ZNF536: variants seen among roughly 807,000 people sequenced by gnomAD.
The protein encoded by ZNF536 is zinc finger protein 536.
A neutral mutation model predicts 84.5 loss-of-function variants in ZNF536; 13 were observed. That is an observed-to-expected ratio of 0.15 (90% CI 0.10 to 0.24). ZNF536 has a LOEUF of 0.24. Among genes scored for constraint, ZNF536 ranks in the 10% least tolerant of loss-of-function variants. The pLI is 1.00. For missense variants in ZNF536, 1,536 were observed against 1,747.5 expected, an observed-to-expected ratio of 0.88 and a Z score of 2.16; for synonymous variants, 811 against 742.5, an observed-to-expected ratio of 1.09 and a Z score of -1.50.
chr19:30,538,080 A>AATC, intron 3 of ZNF536, among the ~76,000 whole-genome samples: 1 of 152,288 alleles, frequency 6.6e-6, no homozygotes, highest in East Asian at 1.9e-4. Context: ...TAAAAATCAC[A>AATC]ATCAACGTAT....
At chr19:30,680,412 C>G (rs1469391022) in intron 1 of ZNF536, among the ~76,000 whole-genome samples, 4 of 115,000 alleles carry the variant, frequency 3.5e-5, no homozygotes, top group African/African-American at 1.3e-4. Flanking sequence ...CTCCCCCCAC[C>G]CCACAACAGT....
At chr19:30,507,191 G>A (rs950625771) in intron 2 of ZNF536, among the ~76,000 whole-genome samples, 2 of 152,050 alleles carry the variant, frequency 1.3e-5, no homozygotes, top group South Asian at 2.1e-4. Context: ...GCAAAACCCC[G>A]TCTCTACTAA....
Position 30,548,137 on chromosome 19 carries a change from G to A in ZNF536, c.2518G>A (p.Gly840Arg), listed in dbSNP as rs140145945. 6.2e-7 allele frequency: 1 copy of A among 1,614,050 alleles called. No individual in the cohort carries two copies. The highest frequency in any genetic ancestry group is 1.1e-5 in the South Asian group (1 of 91,072). The change falls in exon 4 of 5, where the codon GGG (glycine) becomes AGG (arginine). Residue 840 changes from glycine (G) to arginine (R), a missense_variant. Around this residue, in one of 8 missense-constraint regions of ZNF536, gnomAD observed 624 missense variants for 603.1 expected, o/e 1.03. Transcript: ENST00000355537. The part of the protein sequence containing the change: ...SLFIRPDILR[G>R]AFKGLPGIDF... Reference sequence around the variant, plus strand: ...GTTCATCAGGCCAGACATCCTGAGGGGGGCCTTCAAGGGTCTCCCTGGAAT... The same window carrying A: ...GTTCATCAGGCCAGACATCCTGAGGAGGGCCTTCAAGGGTCTCCCTGGAAT...
At chr19:30,304,020 G>A (rs369115322) in intron 2 of ZNF536, among the ~76,000 whole-genome samples, 4 of 152,110 alleles carry the variant, frequency 2.6e-5, no homozygotes, top group South Asian at 4.1e-4. Context: ...GGTAGGCAGC[G>A]GTCTCCTCTC....
chr19:30,316,264 C>T (rs2046675241), intron 2 of ZNF536, among the ~76,000 whole-genome samples: 1 of 152,146 alleles, frequency 6.6e-6, no homozygotes, highest in African/African-American at 2.4e-5. Flanking sequence ...ATAGTACTTA[C>T]CTGCCAAAAC....
At chr19:30,681,619 C>G (rs1032091806) in intron 1 of ZNF536, among the ~76,000 whole-genome samples, 1 of 152,220 alleles carries the variant, frequency 6.6e-6, no homozygotes, top group Non-Finnish European at 1.5e-5. Flanking sequence ...GCTCTCTGCC[C>G]AGCAGATACT....
chr19:30,305,059 G>A (rs2145988987), intron 2 of ZNF536, among the ~76,000 whole-genome samples: 1 of 152,326 alleles, frequency 6.6e-6, no homozygotes, highest in Middle Eastern at 3.4e-3. Flanking sequence ...AGGAGTAGGA[G>A]GGCTGAAGCT....
In ZNF536 at chr19:30,344,781, G is replaced by A. The variant is rs145500461; in HGVS notation, c.-119-7587G>A. On this transcript the variant is annotated intron_variant, in intron 2 of 5. Coordinates refer to the ZNF536 transcript ENST00000585628. The stretch of plus-strand genomic sequence containing the variant: ...CATTCATCCCCTCATTTCACAGTTG[G>A]GAAAGTCAAGGCTAGGGAAGAGAAG... Among the ~76,000 whole-genome samples, 1,500 of 152,244 alleles carry A rather than the reference G, an allele frequency of 9.9e-3. 18 individuals are homozygous for A. Among genetic ancestry groups the A allele is most frequent in the African/African-American group, 0.034 (1,394 of 41,522 alleles).
chr19:30,466,380 A>C (rs1474945817), intron 2 of ZNF536, among the ~76,000 whole-genome samples: 1 of 74,676 alleles, frequency 1.3e-5, no homozygotes, highest in South Asian at 4.9e-4. Context: ...CATTGCTGCA[A>C]AAAAAAAAAA....
intron 2 of ZNF536, among the ~76,000 whole-genome samples, chr19:30,322,631 C>G (rs1156715561): frequency 6.6e-6 from 1 of 152,236 alleles, no homozygotes; most frequent in Non-Finnish European, 1.5e-5. Flanking sequence ...ATTTCCCTTC[C>G]TATTCCATCT....
intron 2 of ZNF536, among the ~76,000 whole-genome samples, chr19:30,482,197 C>A (rs1486104755): frequency 6.6e-6 from 1 of 152,050 alleles, no homozygotes; most frequent in Admixed American, 6.6e-5. Flanking sequence ...GGGTAGATAT[C>A]CAGTATTGGG....
intron 1 of ZNF536, among the ~76,000 whole-genome samples, chr19:30,383,937 T>TC (rs2049182163): frequency 4.7e-4 from 5 of 10,548 alleles, no homozygotes; most frequent in South Asian, 0.01. Context: ...TCCCTTCCCT[T>TC]CCCTCCCCTC....
intron 2 of ZNF536, among the ~76,000 whole-genome samples, chr19:30,332,327 C>T (rs2047238211): frequency 1.3e-5 from 2 of 152,182 alleles, no homozygotes; most frequent in Admixed American, 6.5e-5. Context: ...AGATCCTCAC[C>T]TCTGGGGCCC....
downstream of ZNF536, among the ~76,000 whole-genome samples, chr19:30,562,150 A>T (rs1294883038): frequency 6.6e-6 from 1 of 152,174 alleles, no homozygotes; most frequent in African/African-American, 2.4e-5. Flanking sequence ...AGGAGGGAGC[A>T]TTCCAGATGT....
chr19:30,257,147 G>A (rs1035666667), intron 1 of ZNF536, among the ~76,000 whole-genome samples: 4 of 152,110 alleles, frequency 2.6e-5, no homozygotes, highest in Admixed American at 6.5e-5. Flanking sequence ...CACTCCTGGC[G>A]CCTATTCATT....
intron 2 of ZNF536, among the ~76,000 whole-genome samples, chr19:30,333,010 G>C (rs1026705005): frequency 6.6e-6 from 1 of 152,084 alleles, no homozygotes; most frequent in Non-Finnish European, 1.5e-5. Context: ...TGAGCCCAGG[G>C]GGTCGAGGCT....
At chr19:30,259,059 G>A (rs1313307831) in intron 1 of ZNF536, among the ~76,000 whole-genome samples, 3 of 152,008 alleles carry the variant, frequency 2.0e-5, no homozygotes, top group Non-Finnish European at 2.9e-5. Context: ...AATAAGTATA[G>A]CATTAAAAAT....
chr19:30,251,198 G>T (rs2024589897), intron 1 of ZNF536, among the ~76,000 whole-genome samples: 1 of 152,056 alleles, frequency 6.6e-6, no homozygotes, highest in African/African-American at 2.4e-5. Flanking sequence ...AGATAGGCGT[G>T]GTTCTACATA....
intron 1 of ZNF536, among the ~76,000 whole-genome samples, chr19:30,691,232 G>C (rs750182010): frequency 6.6e-6 from 1 of 152,052 alleles, no homozygotes; most frequent in Non-Finnish European, 1.5e-5. Context: ...GTCTGCTCAG[G>C]AGACCACCTC....
Sources: gnomAD v4.1 joint callset for allele counts (sites outside exome capture counted in the v4.1 genomes callset) on GRCh38, gnomAD v4.1.1 for gene constraint, gnomAD v4.1.1 regional missense constraint, MANE v1.5 for transcripts, NCBI Gene and HGNC (gene_info 2026-07-23, HGNC 2026-07-21) for gene names.